Variants in CPNE4 observed in about 807,000 individuals in gnomAD.
CPNE4 encodes the protein copine-4.
CPNE4 carries 25 observed loss-of-function variants against 67.9 expected under a neutral mutation model. That is an observed-to-expected ratio of 0.37 (90% confidence interval 0.27 to 0.51). The LOEUF (loss-of-function observed/expected upper bound fraction) is 0.51. CPNE4 is among the 20% of genes least tolerant of loss of function. The pLI, the probability that CPNE4 is intolerant of heterozygous loss-of-function variation, is 0.93. For missense variants in CPNE4, 464 were observed against 690.8 expected (o/e 0.67, Z 3.68); for synonymous variants, 242 against 244.9 (o/e 0.99, Z 0.11).
chr3:131,739,036 G>C (rs1560213913), intron 2 of CPNE4, among the ~76,000 whole-genome samples: 2 of 151,838 alleles, frequency 1.3e-5, no homozygotes, highest in Non-Finnish European at 2.9e-5. Context: ...TGTATTTTTA[G>C]TAGAGACAGG....
At chr3:131,656,138 A>G (rs1447437621) in intron 7 of CPNE4, among the ~76,000 whole-genome samples, 1 of 147,176 alleles carries the variant, frequency 6.8e-6, no homozygotes, top group African/African-American at 2.5e-5. Flanking sequence ...TATCCTCCAG[A>G]CTCTTCCCTT....
intron 2 of CPNE4, among the ~76,000 whole-genome samples, chr3:131,731,184 G>A (rs983954531): frequency 3.3e-5 from 5 of 152,174 alleles, no homozygotes; most frequent in African/African-American, 4.8e-5. Flanking sequence ...ACTGGGTTCT[G>A]CTTATGGATC....
intron 1 of CPNE4, among the ~76,000 whole-genome samples, chr3:131,951,778 T>C (rs1186743569): frequency 2.0e-5 from 3 of 152,216 alleles, no homozygotes; most frequent in Non-Finnish European, 4.4e-5. Flanking sequence ...TTGGCCGGGC[T>C]GGTCTCCAGC....
intron 7 of CPNE4, among the ~76,000 whole-genome samples, chr3:131,655,715 T>C (rs1477701434): frequency 1.3e-5 from 2 of 152,158 alleles, no homozygotes; most frequent in African/African-American, 4.8e-5. Context: ...ATCCAAAGGA[T>C]GCTCTTTCTT....
chr3:131,767,119 C>T (rs2083039424), intron 2 of CPNE4, among the ~76,000 whole-genome samples: 2 of 152,086 alleles, frequency 1.3e-5, no homozygotes, highest in Admixed American at 1.3e-4. Flanking sequence ...TAAACGTAGG[C>T]ATTAATATAT....
intron 2 of CPNE4, among the ~76,000 whole-genome samples, chr3:131,793,531 T>C (rs1229795140): frequency 2.0e-5 from 3 of 152,188 alleles, no homozygotes; most frequent in Non-Finnish European, 4.4e-5. Flanking sequence ...CCTAGACTAG[T>C]TGATTTGGAA....
At chr3:132,038,398 G>T (rs1227784455), upstream of CPNE4, among the ~76,000 whole-genome samples, 3 of 151,954 alleles carry the variant, frequency 2.0e-5, no homozygotes, top group Non-Finnish European at 2.9e-5. Flanking sequence ...AACAACCTGT[G>T]CTACGAAAGG....
intron 2 of CPNE4, among the ~76,000 whole-genome samples, chr3:131,768,383 G>T (rs747784764): frequency 6.6e-6 from 1 of 152,168 alleles, no homozygotes; most frequent in Non-Finnish European, 1.5e-5. Context: ...CCTGAGCCCA[G>T]AATGAATCTA....
Position 131,953,259 on chromosome 3 carries a change from A to T in CPNE4, c.-1-47815T>A, listed in dbSNP as rs1007273914. Among the ~76,000 whole-genome samples the T allele has an allele frequency of 5.6e-3, 836 of 150,386 alleles. 29 individuals are homozygous for T. The highest frequency in any genetic ancestry group is 4.3e-3 in the Non-Finnish European group (293 of 67,618). ...TCAATTAAAAAAAAAAAAAAAAAAA[A>T]AAAAAAAGAATGGTGAAAGTAGGCA... On this transcript the variant is annotated intron_variant, in intron 1 of 15. Coordinates refer to ENST00000429747, the MANE Select transcript of CPNE4 (RefSeq NM_130808.3).
intron 1 of CPNE4, among the ~76,000 whole-genome samples, chr3:131,982,131 G>A (rs937300795): frequency 6.6e-6 from 1 of 152,174 alleles, no homozygotes. Flanking sequence ...TTTCTTTAAA[G>A]GTCCACTGTA....
At chr3:131,937,414 T>A (rs911483815) in intron 1 of CPNE4, among the ~76,000 whole-genome samples, 2 of 152,174 alleles carry the variant, frequency 1.3e-5, no homozygotes, top group African/African-American at 4.8e-5. Flanking sequence ...AGATTTTAAA[T>A]ACAGCCAAAC....
chr3:131,790,202 G>T (rs2083679821), intron 2 of CPNE4, among the ~76,000 whole-genome samples: 1 of 152,090 alleles, frequency 6.6e-6, no homozygotes, highest in South Asian at 2.1e-4. Context: ...AGCCAGATAT[G>T]GGACTTATAT....
At chr3:131,908,807 C>A (rs2088862687) in intron 1 of CPNE4, among the ~76,000 whole-genome samples, 1 of 152,260 alleles carries the variant, frequency 6.6e-6, no homozygotes, top group East Asian at 1.9e-4. Context: ...CTGACTCCTC[C>A]ATTCACTGAC....
intron 6 of CPNE4, among the ~76,000 whole-genome samples, chr3:131,679,221 C>T (rs536314847): frequency 3.9e-5 from 6 of 152,078 alleles, no homozygotes; most frequent in African/African-American, 9.6e-5. Context: ...ATGTGCATAG[C>T]GGTGTTTATA....
intron 2 of CPNE4, among the ~76,000 whole-genome samples, chr3:131,751,048 T>A (rs9818886): frequency 0.28 from 43,119 of 151,982 alleles, 6,219 homozygotes; most frequent in Middle Eastern, 0.35. Context: ...AGGCAAAATG[T>A]CATTTTTCTT....
At chr3:131,963,903 T>C (rs2072260548) in intron 1 of CPNE4, among the ~76,000 whole-genome samples, 1 of 152,106 alleles carries the variant, frequency 6.6e-6, no homozygotes, top group Non-Finnish European at 1.5e-5. Context: ...CTTAAGTGGG[T>C]CCCTGACACC....
In CPNE4 at chr3:131,958,609, C is replaced by CTTTTTTTTTTTTTT. The variant is rs748126986; in HGVS notation, c.-1-53179_-1-53166dup. ...CAATTGATACACCTTTCTTTCTTTT[C>CTTTTTTTTTTTTTT]TTTTTTTTTTTTTTTTTTTTTTTTT... On this transcript the variant is annotated intron_variant, in intron 1 of 15. Transcript: ENST00000429747. Among the ~76,000 whole-genome samples, 181 of 95,940 alleles carry CTTTTTTTTTTTTTT rather than the reference C, an allele frequency of 1.9e-3. 16 individuals are homozygous for CTTTTTTTTTTTTTT. The highest frequency in any genetic ancestry group is 5.7e-3 in the Middle Eastern group (1 of 176). The allele number at this position is 95,940 out of a possible 152,430, so 62.9% of individuals were successfully genotyped here. A position where few individuals can be genotyped will look rare whatever the true frequency, so the allele number is the denominator to read the frequency against.
intron 2 of CPNE4, among the ~76,000 whole-genome samples, chr3:131,800,763 C>T (rs563575220): frequency 2.6e-5 from 4 of 152,176 alleles, no homozygotes; most frequent in South Asian, 4.1e-4. Context: ...GCAAGTGACA[C>T]GATTAGATAT....
intron 1 of CPNE4, chr3:131,985,839 T>A (rs1447265564): frequency 6.5e-6 from 1 of 154,084 alleles, no homozygotes; most frequent in Non-Finnish European, 1.5e-5. Flanking sequence ...ACAACACTGA[T>A]GATGGGATAA....
Sources: allele counts gnomAD v4.1 joint callset (sites outside exome capture counted in the v4.1 genomes callset), GRCh38; gene constraint gnomAD v4.1.1; transcripts MANE v1.5; gene names NCBI Gene and HGNC (gene_info 2026-07-23, HGNC 2026-07-21).